ARHGAP25: variants seen among roughly 807,000 people sequenced by gnomAD.
ARHGAP25 encodes Rho GTPase activating protein 25.
ARHGAP25 carries 34 observed loss-of-function variants against 71.0 expected under a neutral mutation model. That is an observed-to-expected ratio of 0.48 (90% CI 0.36 to 0.64). The LOEUF (loss-of-function observed/expected upper bound fraction) is 0.64. ARHGAP25 is among the 30% of genes least tolerant of loss of function. The pLI, the probability that ARHGAP25 is intolerant of heterozygous loss-of-function variation, is 0.00. For missense variants in ARHGAP25, 706 were observed against 805.1 expected, an observed-to-expected ratio of 0.88 and a Z score of 1.49; for synonymous variants, 282 against 296.5, an observed-to-expected ratio of 0.95 and a Z score of 0.50.
intron 1 of ARHGAP25, among the ~76,000 whole-genome samples, chr2:68,770,922 T>C (rs1350134369): frequency 6.6e-6 from 1 of 152,172 alleles, no homozygotes; most frequent in Admixed American, 6.5e-5. Flanking sequence ...CGCTTTGTAA[T>C]GATAGCACTC....
chr2:68,719,760 A>G (rs1674709095), intron 2 of ARHGAP25, among the ~76,000 whole-genome samples: 1 of 152,186 alleles, frequency 6.6e-6, no homozygotes, highest in African/African-American at 2.4e-5. Context: ...AATACCCCAC[A>G]GTAGATATTA....
chr2:68,809,007 C>T (rs934286041), intron 5 of ARHGAP25, among the ~76,000 whole-genome samples: 7 of 152,102 alleles, frequency 4.6e-5, no homozygotes, highest in African/African-American at 1.7e-4. Flanking sequence ...GAAAGGTCAT[C>T]GGGGGCTTTT....
intron 4 of ARHGAP25, among the ~76,000 whole-genome samples, chr2:68,794,582 G>A (rs1021910135): frequency 5.9e-5 from 9 of 152,092 alleles, no homozygotes; most frequent in African/African-American, 2.2e-4. Context: ...ATTGATTTGT[G>A]TATATTGAAT....
At chr2:68,757,004 T>C (rs1461185418) in intron 1 of ARHGAP25, among the ~76,000 whole-genome samples, 1 of 151,806 alleles carries the variant, frequency 6.6e-6, no homozygotes, top group East Asian at 1.9e-4. Flanking sequence ...ATGCGGGAGC[T>C]GAAAAGTACA....
At chr2:68,787,429 C>A (rs2104401374) in intron 3 of ARHGAP25, among the ~76,000 whole-genome samples, 1 of 152,336 alleles carries the variant, frequency 6.6e-6, no homozygotes, top group South Asian at 2.1e-4. Flanking sequence ...CCTACCCCCA[C>A]AACTGAGCTC....
In ARHGAP25 at chr2:68,774,958, C is replaced by T. The variant is rs1309649032; in HGVS notation, c.62-263C>T. ...GTTTGCAGAATGACGGGGCCCGCCG[C>T]GGTGCCGGACTGCCTGTGCACGGGG... On this transcript the variant is annotated intron_variant, in intron 1 of 10. Coordinates refer to ENST00000409202, the MANE Select transcript of ARHGAP25 (RefSeq NM_001007231.3). The T allele has an allele frequency of 5.6e-6, 8 of 1,418,534 alleles. No individual in the cohort carries two copies. In the African/African-American group the frequency reaches 1.0e-4, roughly 18 times the overall value. The allele number at this position is 1,418,534 out of a possible 1,614,324, so 87.9% of individuals were successfully genotyped here.
upstream of ARHGAP25, among the ~76,000 whole-genome samples, chr2:68,730,641 C>A (rs1430066599): frequency 6.7e-6 from 1 of 148,434 alleles, no homozygotes; most frequent in Non-Finnish European, 1.5e-5. Flanking sequence ...CAGAGTGAGA[C>A]CCTGTCTCAG....
At chr2:68,769,417 G>T (rs2104360764) in intron 1 of ARHGAP25, among the ~76,000 whole-genome samples, 1 of 152,228 alleles carries the variant, frequency 6.6e-6, no homozygotes, top group East Asian at 1.9e-4. Flanking sequence ...GCTTTACAGA[G>T]GAGGAAACTG....
In ARHGAP25 at chr2:68,807,339, C is replaced by T; in HGVS notation, c.533C>T (p.Pro178Leu). The stretch of plus-strand genomic sequence containing the variant: ...CAGAAATTCGGCCCCCATCTGGTGC[C>T]CATCCTGGTGGAGAAATGTGCAGAG... Reference protein sequence around the residue: ...YEQKFGPHLVPILVEKCAEFI... With the variant: ...YEQKFGPHLVLILVEKCAEFI... Residue 178 changes from proline (P) to leucine (L), a missense_variant, in exon 5 of 11, where the codon CCC becomes CTC. By Grantham distance (98) the Pro-to-Leu change is moderately conservative (BLOSUM62 -3). Transcript: ENST00000409202. 1.2e-6 allele frequency: 2 copies of T among 1,614,218 alleles called. No individual in the cohort carries two copies. Among genetic ancestry groups the T allele is most frequent in the South Asian group, 1.1e-5 (1 of 91,088 alleles).
chr2:68,805,326 A>T (rs921792526), intron 4 of ARHGAP25, among the ~76,000 whole-genome samples: 2 of 152,102 alleles, frequency 1.3e-5, no homozygotes, highest in Non-Finnish European at 2.9e-5. Context: ...CCACAGAAGT[A>T]TCTAATCACA....
intron 4 of ARHGAP25, among the ~76,000 whole-genome samples, chr2:68,801,262 G>A (rs1467431931): frequency 6.6e-6 from 1 of 152,182 alleles, no homozygotes; most frequent in Non-Finnish European, 1.5e-5. Flanking sequence ...CATCATATGG[G>A]TGATATTTAA....
chr2:68,798,025 G>A (rs1163557198), intron 4 of ARHGAP25, among the ~76,000 whole-genome samples: 3 of 152,088 alleles, frequency 2.0e-5, no homozygotes. Flanking sequence ...TGCATTTAAA[G>A]TGCAGTTGTC....
At chr2:68,813,486 G>A in intron 6 of ARHGAP25, 67 bp downstream of exon 6, 2 of 1,546,280 alleles carry the variant, frequency 1.3e-6, no homozygotes, top group Non-Finnish European at 1.7e-6. Context: ...CACTAATCCA[G>A]TAGGCAACAG....
intron 1 of ARHGAP25, among the ~76,000 whole-genome samples, chr2:68,751,226 T>TG (rs965735422): frequency 1.3e-5 from 2 of 152,044 alleles, no homozygotes; most frequent in Non-Finnish European, 2.9e-5. Context: ...ACCCAGCCAA[T>TG]GGGGGGTGCT....
At chr2:68,738,284 C>T (rs1027043800) in intron 1 of ARHGAP25, among the ~76,000 whole-genome samples, 1 of 152,170 alleles carries the variant, frequency 6.6e-6, no homozygotes, top group African/African-American at 2.4e-5. Context: ...CCCCAGGTTA[C>T]AGGGCTTTCT....
In ARHGAP25 at chr2:68,810,731, C is replaced by CTTTTTTTTTTTTTTTT. The variant is rs539849992; in HGVS notation, c.675-2550_675-2535dup. 2.7e-5 allele frequency among the ~76,000 whole-genome samples: 2 copies of CTTTTTTTTTTTTTTTT among 74,354 alleles called. 1 individual carries two copies. 48.8% of individuals were successfully genotyped at this position (74,354 alleles called of 152,430 possible). A position where few individuals can be genotyped will look rare whatever the true frequency, so the allele number is the denominator to read the frequency against. ...GATCCAATTTCTTTTCTTTTCTTCT[C>CTTTTTTTTTTTTTTTT]TTTTTTTTTTTTTTTTTTTTTGAGA... On this transcript the variant is annotated intron_variant, in intron 5 of 10. Coordinates refer to ENST00000409202, the MANE Select transcript of ARHGAP25 (RefSeq NM_001007231.3).
Position 68,783,861 on chromosome 2 carries a change from T to A in ARHGAP25, c.349+1541T>A, listed in dbSNP as rs368027485. On this transcript the variant is annotated intron_variant, in intron 3 of 10. Coordinates refer to ENST00000409202, the MANE Select transcript of ARHGAP25 (RefSeq NM_001007231.3). ...TCAGTCTCTCCTCACTAGAAATATC[T>A]CTCTCCCTTTCCACAAAGGTTATTC... is the stretch of plus-strand genomic sequence containing the variant. Among the ~76,000 whole-genome samples, 8 of 152,164 alleles carry A rather than the reference T, an allele frequency of 5.3e-5. No individual in the cohort carries two copies. The East Asian group carries it at 1.3e-3, about 26-fold the overall frequency.
At chr2:68,732,663 C>T (rs1242674859), upstream of ARHGAP25, among the ~76,000 whole-genome samples, 1 of 152,184 alleles carries the variant, frequency 6.6e-6, no homozygotes, top group Non-Finnish European at 1.5e-5. Flanking sequence ...TCCACCCCTC[C>T]GGCCCTTCTC....
intron 2 of ARHGAP25, among the ~76,000 whole-genome samples, chr2:68,715,908 T>G (rs552605874): frequency 2.0e-3 from 300 of 152,256 alleles, no homozygotes; most frequent in African/African-American, 6.8e-3. Flanking sequence ...CATGAACAGG[T>G]GAGGGCGGTT....
Sources: gnomAD v4.1 joint callset for allele counts (sites outside exome capture counted in the v4.1 genomes callset) on GRCh38, gnomAD v4.1.1 for gene constraint, MANE v1.5 for transcripts, NCBI Gene and HGNC (gene_info 2026-07-23, HGNC 2026-07-21) for gene names.